Variants in AVIL observed in about 807,000 individuals in gnomAD.
The protein encoded by AVIL is advillin.
Under a neutral mutation model 109.9 loss-of-function variants are expected in AVIL, and 78 were observed. That is an observed-to-expected ratio of 0.71 (90% CI 0.59 to 0.86). The LOEUF is 0.86. Among genes scored for constraint, AVIL ranks in the 40% least tolerant of loss-of-function variants. AVIL has a pLI of 0.00. For missense variants in AVIL, 892 were observed against 1,016.5 expected, an observed-to-expected ratio of 0.88 and a Z score of 1.67; for synonymous variants, 367 against 379.1, an observed-to-expected ratio of 0.97 and a Z score of 0.37.
chr12:57,803,319 G>T lies in AVIL; in HGVS notation c.1890C>A (p.Val630=). 1 of 1,614,202 alleles carries T rather than the reference G, an allele frequency of 6.2e-7. No homozygotes were observed. The highest frequency in any genetic ancestry group is 8.5e-7 in the Non-Finnish European group (1 of 1,180,042). ...ECSNKTGQFV[V]TEITDFTQDD... is the part of the protein sequence containing the mutation. ...CCTGGGTGAAGTCTGTGATCTCAGT[G>T]ACAACGAATTGGCCGGTCTTATTGG... The change falls in exon 16 of 20, where the codon GTC becomes GTA. Residue 630 remains valine (V), a synonymous_variant. Coordinates refer to ENST00000549994, the MANE Select transcript of AVIL (RefSeq NM_006576.4).
At chr12:57,809,140 G>A (rs549787369) in intron 9 of AVIL, 1 of 169,376 alleles carries the variant, frequency 5.9e-6, no homozygotes, top group Non-Finnish European at 1.3e-5. Context: ...CTGGACTACC[G>A]GCATGCGCCA....
chr12:57,810,388 A>G lies in AVIL; in HGVS notation c.722T>C (p.Ile241Thr), dbSNP rs1322514926. 3.1e-6 allele frequency: 5 copies of G among 1,614,004 alleles called. No homozygotes were observed. Among genetic ancestry groups the G allele is most frequent in the Non-Finnish European group, 2.5e-6 (3 of 1,180,036 alleles). Residue 241 changes from isoleucine to threonine, a missense_variant, in exon 7 of 20, where the codon ATC becomes ACC. Physicochemically the swap from Ile to Thr is moderately conservative, Grantham distance 89 (BLOSUM62 -1). Coordinates refer to ENST00000549994, the MANE Select transcript of AVIL (RefSeq NM_006576.4). ...AGTTGATTTCTGCTTCTGATCTATG[A>G]TCTCATCAGGGACTGTAGGCTTGAT... is the stretch of plus-strand genomic sequence containing the variant. ...SIIKPTVPDE[I>T]IDQKQKSTIM... is the part of the protein sequence containing the mutation.
chr12:57,803,571 C>T lies in AVIL; in HGVS notation c.1770G>A (p.Glu590=). ...TTTTCCCTCCCAGTAGGTCCCAGAA[C>T]TCGGCTGGCTCCTGGCCCTCGGCCA... ...NTVAEGQEPA[E]FWDLLGGKTP... is the part of the protein sequence containing the mutation. Residue 590 remains glutamate (E), a synonymous_variant, in exon 15 of 20, where the codon GAG becomes GAA. Transcript: ENST00000549994. 1.2e-6 allele frequency: 2 copies of T among 1,614,180 alleles called. No homozygotes were observed. The highest frequency in any genetic ancestry group is 1.7e-6 in the Non-Finnish European group (2 of 1,180,026).
chr12:57,808,698 A>AC (rs1955991842), intron 9 of AVIL, 150 bp from the exon 10 acceptor site: 1 of 911,150 alleles, frequency 1.1e-6, no homozygotes, highest in East Asian at 2.7e-5. Flanking sequence ...TTGTCTAAGG[A>AC]CCAAGGTACC....
intron 14 of AVIL, among the ~76,000 whole-genome samples, chr12:57,804,966 G>T (rs919264238): frequency 1.1e-4 from 16 of 152,160 alleles, no homozygotes; most frequent in Admixed American, 2.0e-4. Flanking sequence ...TAGATGTGTA[G>T]TGGTTATCTC....
At chr12:57,805,447 A>G (rs1307946987) in intron 14 of AVIL, among the ~76,000 whole-genome samples, 1 of 152,056 alleles carries the variant, frequency 6.6e-6, no homozygotes, top group Non-Finnish European at 1.5e-5. Flanking sequence ...AGAGTCCACC[A>G]AATTCACATG....
chr12:57,814,558 G>A (rs1321590683), intron 2 of AVIL: 6 of 270,946 alleles, frequency 2.2e-5, no homozygotes, highest in South Asian at 1.4e-4. Context: ...GGATATAAAC[G>A]ACCAAGTACA....
intron 4 of AVIL, among the ~76,000 whole-genome samples, chr12:57,811,867 G>A (rs1026073458): frequency 6.6e-6 from 1 of 152,170 alleles, no homozygotes; most frequent in Non-Finnish European, 1.5e-5. Flanking sequence ...ATCAGCCTTC[G>A]CTCCCTCTCT....
chr12:57,813,234 C>T lies in AVIL; in HGVS notation c.331G>A (p.Gly111Ser), dbSNP rs145283937. 4.0e-5 allele frequency: 65 copies of T among 1,611,852 alleles called. No homozygotes were observed. The Middle Eastern group carries it at 8.2e-4, about 20-fold the overall frequency. ...CTGTGCACCCCTACTCACATGATGC[C>T]CTGCTTGAAGTAGCCACGGAAAGTG... ...SDTFRGYFKQ[G>S]IIYKQGGVAS... The change falls in exon 4 of 20, where the codon GGC (glycine) becomes AGC (serine). Residue 111 changes from glycine (G) to serine (S), a missense_variant. Transcript: ENST00000549994.
In AVIL at chr12:57,806,458, T is replaced by A; in HGVS notation, c.1573A>T (p.Thr525Ser). The stretch of plus-strand genomic sequence containing the variant: ...AAGGCTGGAACTTCCACTGCTTTGG[T>A]GTTAGATTTGTCATTTCCATGAATT... ...FQIHGNDKSN[T>S]KAVEVPAFAS... is the part of the protein sequence containing the mutation. Residue 525 changes from threonine (T) to serine (S), a missense_variant, in exon 14 of 20, where the codon ACC becomes TCC. By Grantham distance (58) the Thr-to-Ser change is moderately conservative (BLOSUM62 1). Transcript: ENST00000549994. 6.2e-7 allele frequency: 1 copy of A among 1,614,032 alleles called. No individual in the cohort carries two copies. The highest frequency in any genetic ancestry group is 8.5e-7 in the Non-Finnish European group (1 of 1,179,982).
At chr12:57,815,909 C>T (rs1251049784) in intron 2 of AVIL, 66 bp downstream of exon 2, 55 of 1,608,972 alleles carry the variant, frequency 3.4e-5, no homozygotes, top group Non-Finnish European at 4.5e-5. Flanking sequence ...TGCCTAGCAG[C>T]CCCAGGCAGC....
intron 15 of AVIL, 52 bp from the exon 16 acceptor site, chr12:57,803,443 A>G (rs1955889627): frequency 1.2e-6 from 2 of 1,613,330 alleles, no homozygotes; most frequent in African/African-American, 1.3e-5. Flanking sequence ...TGTTTTTAAA[A>G]CTGAGGTTTT....
chr12:57,815,453 G>A (rs1405875278), intron 2 of AVIL: 2 of 625,614 alleles, frequency 3.2e-6, no homozygotes, highest in Non-Finnish European at 4.5e-6. Flanking sequence ...GTATCTGGCA[G>A]GTGGAGCTAC....
At chr12:57,814,476 C>T in intron 2 of AVIL, 1 of 480,988 alleles carries the variant, frequency 2.1e-6, no homozygotes, top group Non-Finnish European at 3.8e-6. Context: ...GCCCTATTCT[C>T]CACTCTACTT....
chr12:57,809,464 G>T, intron 9 of AVIL, 133 bp downstream of exon 9: 4 of 1,010,124 alleles, frequency 4.0e-6, no homozygotes, highest in Non-Finnish European at 5.9e-6. Context: ...CAGTTTGTCT[G>T]CCTGACTTTG....
chr12:57,806,360 C>T lies in AVIL; in HGVS notation c.1671G>A (p.Lys557=), dbSNP rs779905314. The change falls in exon 14 of 20, where the codon AAG becomes AAA. Residue 557 remains lysine (K), a splice_region_variant and synonymous_variant. Transcript: ENST00000549994. ...TQAEHYLWYG[K]GSSGDERAMA... is the part of the protein sequence containing the mutation. Reference sequence around the variant, plus strand: ...CTGACCCGGGGCCCAGCCATCCTACCTTGCCATACCACAGGTAGTGCTCTG... The same window carrying T: ...CTGACCCGGGGCCCAGCCATCCTACTTTGCCATACCACAGGTAGTGCTCTG... 2 of 1,613,952 alleles carry T rather than the reference C, an allele frequency of 1.2e-6. No homozygotes were observed. The highest frequency in any genetic ancestry group is 2.7e-5 in the African/African-American group (2 of 74,886).
chr12:57,808,129 G>T (rs1428748825), intron 11 of AVIL, 65 bp downstream of exon 11: 7 of 1,547,566 alleles, frequency 4.5e-6, no homozygotes, highest in East Asian at 2.2e-5. Flanking sequence ...CTGCACCCCT[G>T]CCCCCAGCAG....
intron 16 of AVIL, chr12:57,802,811 A>G: frequency 1.8e-6 from 1 of 566,428 alleles, no homozygotes. Flanking sequence ...TTTACCTCCT[A>G]AGCATTTGTC....
intron 1 of AVIL, among the ~76,000 whole-genome samples, chr12:57,817,523 C>T (rs1956113135): frequency 6.6e-6 from 1 of 151,820 alleles, no homozygotes; most frequent in African/African-American, 2.4e-5. Flanking sequence ...CTCAGAATTG[C>T]CAGGAAATAT....
Sources: allele counts gnomAD v4.1 joint callset (sites outside exome capture counted in the v4.1 genomes callset), GRCh38; gene constraint gnomAD v4.1.1; transcripts MANE v1.5; gene names NCBI Gene and HGNC (gene_info 2026-07-23, HGNC 2026-07-21).